The following FAAP20 variants were observed in gnomAD, a reference collection of about 807,000 sequenced individuals.
FAAP20 encodes the protein FA core complex associated protein 20.
A neutral mutation model predicts 16.2 loss-of-function variants in FAAP20; 12 were observed. The ratio of observed to expected loss-of-function variants is 0.74; its 90% CI spans 0.48 to 1.20. FAAP20 has a LOEUF of 1.20. Ranked by LOEUF, FAAP20 falls within the 50% of genes most tolerant of loss-of-function variation. The pLI is 0.00. For missense variants in FAAP20, 288 were observed against 245.8 expected, an observed-to-expected ratio of 1.17 and a Z score of -1.15; for synonymous variants, 141 against 110.7, an observed-to-expected ratio of 1.27 and a Z score of -1.72.
chr1:2,187,097 G>A (rs1687680674), downstream of FAAP20: 1 of 451,438 alleles, frequency 2.2e-6, no homozygotes, highest in Non-Finnish European at 4.6e-6. Context: ...GCCTGCGTGG[G>A]CGTGGTGCGG....
downstream of FAAP20, chr1:2,185,597 C>A: frequency 1.4e-6 from 1 of 691,610 alleles, no homozygotes. Context: ...TGTGTCCCAG[C>A]CGCTGTGGTC....
downstream of FAAP20, chr1:2,184,534 A>G: frequency 7.1e-7 from 1 of 1,411,234 alleles, no homozygotes; most frequent in Non-Finnish European, 9.9e-7. Context: ...TCAATCTGGT[A>G]GGGATGATGC....
chr1:2,198,867 A>T (rs1198436089), upstream of FAAP20: 1 of 1,289,780 alleles, frequency 7.8e-7, no homozygotes, highest in Non-Finnish European at 1.0e-6. Flanking sequence ...GCCCACCCAT[A>T]GCCAGATGTG....
chr1:2,190,876 T>G (rs556008533), intron 3 of FAAP20: 5 of 176,192 alleles, frequency 2.8e-5, no homozygotes, highest in African/African-American at 9.3e-5. Flanking sequence ...GCGCGCCGTT[T>G]TACCCTTGGG....
intron 3 of FAAP20, chr1:2,192,906 T>TTTTG (rs1553183879): frequency 7.7e-7 from 1 of 1,302,328 alleles, no homozygotes; most frequent in Non-Finnish European, 1.0e-6. Context: ...GGCCTTTTCT[T>TTTTG]TTGTTGTTGT....
upstream of FAAP20, chr1:2,198,057 T>C (rs1482837978): frequency 7.7e-7 from 1 of 1,291,420 alleles, no homozygotes; most frequent in Non-Finnish European, 1.0e-6. Flanking sequence ...GTGCTGGTGA[T>C]GGTGATGGTG....
chr1:2,186,042 C>T (rs1372532438), downstream of FAAP20: 2 of 452,324 alleles, frequency 4.4e-6, no homozygotes, highest in African/African-American at 2.0e-5. Flanking sequence ...GCTGAGGCTT[C>T]CTAGAGGCAG....
At chr1:2,201,743 C>T (rs1425995150), upstream of FAAP20, among the ~76,000 whole-genome samples, 1 of 150,804 alleles carries the variant, frequency 6.6e-6, no homozygotes, top group South Asian at 2.1e-4. Flanking sequence ...AAAGTCTGGG[C>T]GCGGTGGCTC....
At chr1:2,184,901 CCCTGCCA>C (rs749954941), downstream of FAAP20, 2 of 1,607,174 alleles carry the variant, frequency 1.2e-6, no homozygotes, top group South Asian at 1.1e-5. Context: ...CCCCCCTCCC[CCCTGCCA>C]CCTTTGCCCA....
chr1:2,207,527 A>AC (rs1689306905), downstream of FAAP20: 1 of 152,076 alleles, frequency 6.6e-6, no homozygotes, highest in Admixed American at 6.6e-5. Flanking sequence ...CATCGGCCCT[A>AC]CCCGGGGCCC....
intron 3 of FAAP20, 54 bp from the exon 4 acceptor site, chr1:2,189,835 G>C: frequency 2.2e-6 from 3 of 1,386,194 alleles, no homozygotes; most frequent in Non-Finnish European, 3.1e-6. Context: ...GCTGGCCGCA[G>C]AGAGCACCGT....
downstream of FAAP20, chr1:2,185,459 TA>T: frequency 4.2e-6 from 3 of 718,470 alleles, no homozygotes; most frequent in South Asian, 4.4e-5. Flanking sequence ...AACCCACACG[TA>T]GGGGGGCAGC....
At chr1:2,200,783 A>G, upstream of FAAP20, 1 of 1,002,364 alleles carries the variant, frequency 1.0e-6, no homozygotes, top group Middle Eastern at 5.1e-4. Flanking sequence ...GCTGAGGAAG[A>G]GGCTCCCCCA....
chr1:2,189,908 G>T, intron 3 of FAAP20, 127 bp from the exon 4 acceptor site: 2 of 763,246 alleles, frequency 2.6e-6, no homozygotes, highest in Non-Finnish European at 4.6e-6. Flanking sequence ...AGAAACAAGG[G>T]ACGGGGCCAC....
At chr1:2,193,103 G>T in intron 3 of FAAP20, 1 of 971,044 alleles carries the variant, frequency 1.0e-6, no homozygotes, top group Non-Finnish European at 1.4e-6. Flanking sequence ...CCCAGGACCT[G>T]CTCCGGAGGC....
chr1:2,192,589 C>T, intron 3 of FAAP20: 1 of 1,077,306 alleles, frequency 9.3e-7, no homozygotes, highest in Non-Finnish European at 1.1e-6. Context: ...CAGCCAAGAG[C>T]ATGGATTTCT....
downstream of FAAP20, chr1:2,186,121 C>T (rs577534049): frequency 1.4e-4 from 62 of 451,160 alleles, no homozygotes; most frequent in Non-Finnish European, 2.5e-4. Context: ...GGGGGTCGCG[C>T]CACCTCATGC....
At position 2,194,701 on chromosome 1, in the gene FAAP20, G is replaced by T. The variant is rs1057325979; in HGVS notation, c.49C>A (p.Arg17Ser). Reference sequence around the variant, plus strand: ...TCCCGGCCTCACCCGCCCGCCGGGCGCGGCCTCCGGCGGCTCAACCCCAGC... The same window carrying T: ...TCCCGGCCTCACCCGCCCGCCGGGCTCGGCCTCCGGCGGCTCAACCCCAGC... ...PRLGLSRRRP[R>S]PAGGPSGGRP... Residue 17 changes from arginine to serine, a missense_variant, in exon 1 of 4, where the codon CGC becomes AGC. Transcript: ENST00000378546. 8.5e-7 allele frequency: 1 copy of T among 1,171,644 alleles called. No homozygotes were observed. The highest frequency in any genetic ancestry group is 1.1e-6 in the Non-Finnish European group (1 of 951,222). The allele number at this position is 1,171,644 out of a possible 1,614,324, so 72.6% of individuals were successfully genotyped here. A position where few individuals can be genotyped will look rare whatever the true frequency, so the allele number is the denominator to read the frequency against.
chr1:2,198,570 C>T (rs532883320), upstream of FAAP20: 168 of 838,744 alleles, frequency 2.0e-4, 1 homozygote, highest in South Asian at 1.8e-3. Flanking sequence ...GCTAAGACAG[C>T]GGTGACGGGC....
Sources: allele counts gnomAD v4.1 joint callset (sites outside exome capture counted in the v4.1 genomes callset), GRCh38; gene constraint gnomAD v4.1.1; transcripts MANE v1.5; gene names NCBI Gene and HGNC (gene_info 2026-07-23, HGNC 2026-07-21).